LUZP2: variants seen among roughly 807,000 people sequenced by gnomAD.
LUZP2 encodes the protein leucine zipper protein 2.
In LUZP2, 52 loss-of-function variants were observed where a neutral mutation model predicts 51.6. The ratio of observed to expected loss-of-function variants is 1.01; its 90% CI spans 0.81 to 1.27. LUZP2 has a LOEUF of 1.27. Among genes scored for constraint, LUZP2 ranks in the 50% most tolerant of loss-of-function variants. The probability of loss-of-function intolerance (pLI) is 0.00; values close to 1 mark genes in which losing one functional copy is unlikely to be tolerated. For missense variants in LUZP2, 436 were observed against 395.4 expected, an observed-to-expected ratio of 1.10 and a Z score of -0.87; for synonymous variants, 154 against 137.3, an observed-to-expected ratio of 1.12 and a Z score of -0.85.
chr11:24,855,397 C>T (rs1213474985), intron 5 of LUZP2, among the ~76,000 whole-genome samples: 1 of 152,062 alleles, frequency 6.6e-6, no homozygotes, highest in African/African-American at 2.4e-5. Flanking sequence ...AATATCTAGG[C>T]ATATGTTTAA....
At chr11:24,781,392 T>G (rs1849086129) in intron 5 of LUZP2, among the ~76,000 whole-genome samples, 1 of 152,072 alleles carries the variant, frequency 6.6e-6, no homozygotes, top group Admixed American at 6.6e-5. Flanking sequence ...TAGTTTTGGT[T>G]TAACCTCAGA....
chr11:24,789,142 A>G (rs1186839280), intron 5 of LUZP2, among the ~76,000 whole-genome samples: 3 of 152,194 alleles, frequency 2.0e-5, no homozygotes, highest in Admixed American at 2.0e-4. Flanking sequence ...GTGCCCAGGA[A>G]TTAGTACGCT....
chr11:24,640,376 G>T (rs764229018), intron 1 of LUZP2, among the ~76,000 whole-genome samples: 5 of 151,888 alleles, frequency 3.3e-5, no homozygotes, highest in Non-Finnish European at 7.3e-5. Context: ...GTGGGAAGCT[G>T]TGAATTTATA....
intron 1 of LUZP2, chr11:24,646,479 C>G (rs1474384049): frequency 2.2e-6 from 1 of 453,958 alleles, no homozygotes; most frequent in Non-Finnish European, 2.9e-6. Context: ...TCAGAGTTTC[C>G]TATCTTAATG....
intron 1 of LUZP2, among the ~76,000 whole-genome samples, chr11:24,572,637 C>T (rs1223645848): frequency 2.0e-5 from 3 of 151,954 alleles, no homozygotes; most frequent in Non-Finnish European, 4.4e-5. Context: ...AAGCTGGAAA[C>T]AAAACTGAGG....
intron 9 of LUZP2, among the ~76,000 whole-genome samples, chr11:25,003,419 A>G (rs1233703969): frequency 2.0e-5 from 3 of 152,150 alleles, no homozygotes; most frequent in Admixed American, 6.5e-5. Flanking sequence ...ACTGTGAACC[A>G]TTCTGCTTCC....
chr11:24,965,345 C>T lies in LUZP2; in HGVS notation c.523-11246C>T, dbSNP rs1855549670. On this transcript the variant is annotated intron_variant, in intron 7 of 11. Coordinates refer to ENST00000336930, the MANE Select transcript of LUZP2 (RefSeq NM_001009909.4). ...TTTTCTGCTGAAATCTCCATTTCTT[C>T]AGTTTTCTCCACAGAAAACTCTCTC... is the stretch of plus-strand genomic sequence containing the variant. Among the ~76,000 whole-genome samples, 3 of 150,506 alleles carry T rather than the reference C, an allele frequency of 2.0e-5. No individual in the cohort carries two copies. In the South Asian group the frequency reaches 6.3e-4, roughly 32 times the overall value.
intron 1 of LUZP2, among the ~76,000 whole-genome samples, chr11:24,688,543 C>T (rs931789431): frequency 1.3e-5 from 2 of 150,848 alleles, no homozygotes. Flanking sequence ...TCATAAATAT[C>T]ATGATAAGCA....
chr11:24,711,988 T>C (rs1415115123), intron 1 of LUZP2, among the ~76,000 whole-genome samples: 1 of 152,210 alleles, frequency 6.6e-6, no homozygotes, highest in African/African-American at 2.4e-5. Context: ...TGTGGTGTAC[T>C]CTGATTGATG....
At chr11:24,645,713 T>C (rs1188670598) in intron 1 of LUZP2, among the ~76,000 whole-genome samples, 2 of 152,090 alleles carry the variant, frequency 1.3e-5, no homozygotes, top group African/African-American at 4.8e-5. Flanking sequence ...ACTTGTCCAT[T>C]TTCAGTTTCA....
intron 9 of LUZP2, among the ~76,000 whole-genome samples, chr11:25,032,519 C>T (rs1422837220): frequency 6.6e-6 from 1 of 152,096 alleles, no homozygotes; most frequent in Non-Finnish European, 1.5e-5. Context: ...CTCTGATACT[C>T]CCTCACCCAG....
intron 1 of LUZP2, among the ~76,000 whole-genome samples, chr11:24,626,193 C>A (rs184905401): frequency 6.6e-6 from 1 of 152,220 alleles, no homozygotes; most frequent in East Asian, 1.9e-4. Flanking sequence ...CAACTGTCTT[C>A]TTCCAGTGAG....
chr11:24,877,552 G>A lies in LUZP2; in HGVS notation c.397-28439G>A, dbSNP rs535054213. On this transcript the variant is annotated intron_variant, in intron 5 of 11. Transcript: ENST00000336930. The stretch of plus-strand genomic sequence containing the variant: ...TAAAGTAATCACATCATGGAAAATG[G>A]GGTATCCACCTCCTCAAACATTTAT... 4.6e-5 allele frequency among the ~76,000 whole-genome samples: 7 copies of A among 152,098 alleles called. No homozygotes were observed. The South Asian group carries it at 1.2e-3, about 27-fold the overall frequency.
At chr11:25,001,570 A>G (rs1172051616) in intron 9 of LUZP2, among the ~76,000 whole-genome samples, 1 of 152,228 alleles carries the variant, frequency 6.6e-6, no homozygotes, top group Non-Finnish European at 1.5e-5. Flanking sequence ...ACTGACAACA[A>G]GGTGGTATTG....
chr11:24,994,170 T>TTA (rs1307928787), intron 9 of LUZP2, among the ~76,000 whole-genome samples: 1 of 151,570 alleles, frequency 6.6e-6, no homozygotes, highest in African/African-American at 2.4e-5. Context: ...TTTTTTTTTT[T>TTA]TTTTTTTGGC....
intron 5 of LUZP2, among the ~76,000 whole-genome samples, chr11:24,873,478 C>T (rs1852147755): frequency 6.6e-6 from 1 of 152,136 alleles, no homozygotes; most frequent in South Asian, 2.1e-4. Flanking sequence ...TTCGGAGCAG[C>T]CATTCGCTAA....
rs548971340 is a variant in LUZP2 at position 24,948,482 on chromosome 11, T to TA, written c.523-28108dup. On this transcript the variant is annotated intron_variant, in intron 7 of 11. Transcript: ENST00000336930. ...ATGCCATCTGTTTCTTAAATATGTA[T>TA]AGAGTCTGAAGAGCAGGGCAGGGTT... 7.3e-3 allele frequency among the ~76,000 whole-genome samples: 1,116 copies of TA among 151,850 alleles called. 6 individuals are homozygous for TA. The highest frequency in any genetic ancestry group is 0.012 in the Non-Finnish European group (815 of 67,742).
At chr11:25,001,987 T>C (rs1856694446) in intron 9 of LUZP2, among the ~76,000 whole-genome samples, 1 of 152,238 alleles carries the variant, frequency 6.6e-6, no homozygotes, top group South Asian at 2.1e-4. Flanking sequence ...GTTTTTGCAC[T>C]GAGTGCAATA....
chr11:24,511,960 T>C (rs1315808126), intron 1 of LUZP2, among the ~76,000 whole-genome samples: 1 of 152,026 alleles, frequency 6.6e-6, no homozygotes, highest in Non-Finnish European at 1.5e-5. Flanking sequence ...TTGGATCTTA[T>C]ATTATCAGAG....
Sources: gnomAD v4.1 joint callset for allele counts (sites outside exome capture counted in the v4.1 genomes callset) on GRCh38, gnomAD v4.1.1 for gene constraint, MANE v1.5 for transcripts, NCBI Gene and HGNC (gene_info 2026-07-23, HGNC 2026-07-21) for gene names.